ABCC8: variants seen among roughly 807,000 people sequenced by gnomAD.
The protein encoded by ABCC8 is ATP-binding cassette sub-family C member 8.
A neutral mutation model predicts 188.0 loss-of-function variants in ABCC8; 137 were observed. The observed-to-expected ratio is 0.73, with a 90% confidence interval of 0.63 to 0.84. The LOEUF (loss-of-function observed/expected upper bound fraction) is 0.84. ABCC8 is among the 40% of genes least tolerant of loss of function. The probability of loss-of-function intolerance (pLI) is 0.00; values close to 1 mark genes in which losing one functional copy is unlikely to be tolerated. For synonymous variants in ABCC8, 797 were observed against 846.5 expected (o/e 0.94, Z 1.01); for missense variants, 1,750 against 2,072.7 (o/e 0.84, Z 3.02).
At chr11:17,436,728 C>T (rs982938290) in intron 10 of ABCC8, among the ~76,000 whole-genome samples, 2 of 152,162 alleles carry the variant, frequency 1.3e-5, no homozygotes, top group African/African-American at 4.8e-5. Flanking sequence ...AACTGAAAGC[C>T]CTTCTGCAAT....
chr11:17,463,219 C>T (rs553213998), intron 4 of ABCC8, among the ~76,000 whole-genome samples: 11 of 152,300 alleles, frequency 7.2e-5, no homozygotes, highest in African/African-American at 2.6e-4. Flanking sequence ...CCATCACCCC[C>T]CTCTCCCTCT....
intron 3 of ABCC8, among the ~76,000 whole-genome samples, chr11:17,464,317 T>C (rs1397404325): frequency 2.0e-5 from 3 of 152,044 alleles, no homozygotes; most frequent in Non-Finnish European, 4.4e-5. Context: ...CACCACAGCA[T>C]GATGATGGAG....
chr11:17,474,489 C>T (rs146444782), intron 2 of ABCC8, among the ~76,000 whole-genome samples: 159 of 151,040 alleles, frequency 1.1e-3, no homozygotes, highest in African/African-American at 3.4e-3. Flanking sequence ...ACCACATCTT[C>T]AAAACAGCTG....
In ABCC8 at chr11:17,410,563, C is replaced by T; in HGVS notation, c.2647G>A (p.Val883Met). Reference sequence around the variant, plus strand: ...TGTAGCTTGTGGGTCACTAAGACCACTGTCCTCTTGTCGTCCCGGAGCAGC... The same window carrying T: ...TGTAGCTTGTGGGTCACTAAGACCATTGTCCTCTTGTCGTCCCGGAGCAGC... ...LELLRDDKRT[V>M]VLVTHKLQYL... is the part of the protein sequence containing the mutation. Residue 883 changes from valine to methionine, a missense_variant, in exon 22 of 39, where the codon GTG becomes ATG. Val to Met is a conservative substitution (Grantham distance 21). Transcript: ENST00000389817. 6.2e-7 allele frequency: 1 copy of T among 1,614,154 alleles called. No homozygotes were observed. Among genetic ancestry groups the T allele is most frequent in the Non-Finnish European group, 8.5e-7 (1 of 1,180,018 alleles).
intron 2 of ABCC8, among the ~76,000 whole-genome samples, chr11:17,470,534 G>T (rs935447764): frequency 6.6e-6 from 1 of 152,294 alleles, no homozygotes; most frequent in Non-Finnish European, 1.5e-5. Flanking sequence ...CATTTAACAC[G>T]AACAGCATAA....
chr11:17,473,818 G>C (rs1848610201), intron 2 of ABCC8, among the ~76,000 whole-genome samples: 1 of 152,162 alleles, frequency 6.6e-6, no homozygotes, highest in Non-Finnish European at 1.5e-5. Context: ...CCACCTAAAA[G>C]TGTTATGCTG....
At chr11:17,413,727 T>G (rs1049172858) in intron 19 of ABCC8, among the ~76,000 whole-genome samples, 1 of 152,080 alleles carries the variant, frequency 6.6e-6, no homozygotes, top group Non-Finnish European at 1.5e-5. Context: ...GCAGAGTAAG[T>G]GATGAAAGGG....
At position 17,406,714 on chromosome 11, in the gene ABCC8, G is replaced by A. The variant is rs888495082; in HGVS notation, c.3237C>T (p.Leu1079=). 18 of 1,614,222 alleles carry A rather than the reference G, an allele frequency of 1.1e-5. No individual in the cohort carries two copies. In the Middle Eastern group the frequency reaches 1.2e-3, roughly 104 times the overall value. The change falls in exon 26 of 39, where the codon CTC becomes CTT. Residue 1079 remains leucine, a synonymous_variant. Coordinates refer to ENST00000389817, the MANE Select transcript of ABCC8 (RefSeq NM_000352.6). ...VLCSLGIVLC[L]VTSVTVEWTG... ...TCCACTCCACAGTGACAGACGTGAC[G>A]AGGCACAGCACAATGCCCAGGCTGC... is the stretch of plus-strand genomic sequence containing the variant.
intron 30 of ABCC8, 136 bp from the exon 31 acceptor site, chr11:17,397,933 C>T (rs879295488): frequency 1.3e-6 from 2 of 1,499,520 alleles, no homozygotes; most frequent in African/African-American, 1.4e-5. Flanking sequence ...CACACGTCAC[C>T]AGACACACAC....
chr11:17,427,898 T>C lies in ABCC8; in HGVS notation c.2085A>G (p.Thr695=). The C allele has an allele frequency of 6.2e-7, 1 of 1,614,040 alleles. No individual in the cohort carries two copies. The highest frequency in any genetic ancestry group is 1.1e-5 in the South Asian group (1 of 91,042). The change falls in exon 15 of 39, where the codon ACA becomes ACG. Residue 695 remains threonine (T), a synonymous_variant. Coordinates refer to ENST00000389817, the MANE Select transcript of ABCC8 (RefSeq NM_000352.6). This position sits in a 1 kb window ranked among gnomAD's most constrained non-coding sequence, Gnocchi z 5.0. ...GGATACGAATGGTGATGTTGGACAG[T>C]GTGGGGATTCCATCTGGGGTCCACG... ...YFTWTPDGIP[T]LSNITIRIPR... is the part of the protein sequence containing the mutation.
chr11:17,396,906 G>T lies in ABCC8; in HGVS notation c.4119+10C>A. 1 of 1,613,616 alleles carries T rather than the reference G, an allele frequency of 6.2e-7. No homozygotes were observed. The highest frequency in any genetic ancestry group is 8.5e-7 in the Non-Finnish European group (1 of 1,179,988). On this transcript the variant is annotated intron_variant, in intron 33 of 38. Coordinates refer to ENST00000389817, the MANE Select transcript of ABCC8 (RefSeq NM_000352.6). ...TGTCCTGCAGCATTGGGTTGGGCCC[G>T]TGCTCTGACCTTCTGTCCAGGGGCG... is the stretch of plus-strand genomic sequence containing the variant.
intron 24 of ABCC8, 72 bp downstream of exon 24, chr11:17,407,282 C>T: frequency 6.2e-7 from 1 of 1,613,066 alleles, no homozygotes. Context: ...CACCCAGAAC[C>T]CCAAACCTTA....
At chr11:17,436,629 T>C (rs1956108104) in intron 10 of ABCC8, among the ~76,000 whole-genome samples, 2 of 152,320 alleles carry the variant, frequency 1.3e-5, no homozygotes, top group South Asian at 4.1e-4. Flanking sequence ...TAATGGCAAG[T>C]GGATTATAAA....
At chr11:17,440,849 T>G (rs897430954) in intron 10 of ABCC8, among the ~76,000 whole-genome samples, 1 of 152,208 alleles carries the variant, frequency 6.6e-6, no homozygotes, top group Non-Finnish European at 1.5e-5. Flanking sequence ...GACAGGGACA[T>G]GCCTTGGTGC....
chr11:17,457,251 C>A (rs559476767), intron 6 of ABCC8, among the ~76,000 whole-genome samples: 1 of 152,060 alleles, frequency 6.6e-6, no homozygotes, highest in Non-Finnish European at 1.5e-5. Context: ...GCAATCCAAA[C>A]GGGGGCATAG....
At position 17,402,760 on chromosome 11, in the gene ABCC8, C is replaced by T. The variant is rs900191703; in HGVS notation, c.3558-7G>A. ...ATCCAGCTGCTGCAGGTCCCTGTGG[C>T]GGGGAACAGAGTGGAACAGTTAAGA... On this transcript the variant is annotated splice_polypyrimidine_tract_variant and splice_region_variant and intron_variant, in intron 28 of 38. Coordinates refer to ENST00000389817, the MANE Select transcript of ABCC8 (RefSeq NM_000352.6). The T allele has an allele frequency of 3.4e-5, 55 of 1,614,030 alleles. No homozygotes were observed. The highest frequency in any genetic ancestry group is 8.9e-5 in the East Asian group (4 of 44,890).
At chr11:17,445,389 T>G (rs747505091) in intron 8 of ABCC8, among the ~76,000 whole-genome samples, 1 of 152,168 alleles carries the variant, frequency 6.6e-6, no homozygotes, top group Non-Finnish European at 1.5e-5. Context: ...ACTTCCACAT[T>G]TGTGATGATG....
At chr11:17,428,250 T>G (rs1403759774) in intron 14 of ABCC8, 39 bp downstream of exon 14, 1 of 1,613,282 alleles carries the variant, frequency 6.2e-7, no homozygotes, top group African/African-American at 1.3e-5. Flanking sequence ...CCTCTGGGAG[T>G]TGGTGCTGGG....
In ABCC8 at chr11:17,397,678, G is replaced by A. The variant is rs765001135; in HGVS notation, c.3867+6C>T. The stretch of plus-strand genomic sequence containing the variant: ...CCCTCCTCTGCCCTAGCCCACTGCC[G>A]CTCACCATTAGGGCGTAGGTAAGGC... On this transcript the variant is annotated splice_donor_region_variant and intron_variant, in intron 31 of 38. Coordinates refer to ENST00000389817, the MANE Select transcript of ABCC8 (RefSeq NM_000352.6). 1.3e-5 allele frequency: 21 copies of A among 1,610,988 alleles called. 1 individual carries two copies. Among genetic ancestry groups the A allele is most frequent in the South Asian group, 3.3e-5 (3 of 91,028 alleles).
Sources: gnomAD v4.1 joint callset for allele counts (sites outside exome capture counted in the v4.1 genomes callset) on GRCh38, gnomAD v4.1.1 for gene constraint, Gnocchi (gnomAD v3.1) non-coding constraint, MANE v1.5 for transcripts, NCBI Gene and HGNC (gene_info 2026-07-23, HGNC 2026-07-21) for gene names.